Variants in JAK1 observed in about 807,000 individuals in gnomAD.
JAK1 encodes the protein Janus kinase 1.
Under a neutral mutation model 136.6 loss-of-function variants are expected in JAK1, and 16 were observed. The ratio of observed to expected loss-of-function variants is 0.12; its 90% CI spans 0.08 to 0.18. JAK1 has a LOEUF of 0.18. JAK1 is among the 10% of genes least tolerant of loss of function. JAK1 has a pLI of 1.00. For missense variants in JAK1, 859 were observed against 1,450.1 expected (o/e 0.59, Z 6.62); for synonymous variants, 492 against 519.5 (o/e 0.95, Z 0.72).
chr1:64,929,314 C>T (rs1645648437), intron 1 of JAK1, among the ~76,000 whole-genome samples: 1 of 152,246 alleles, frequency 6.6e-6, no homozygotes, highest in Non-Finnish European at 1.5e-5. Flanking sequence ...CAGTGTGATT[C>T]TCCTTGGAGA....
chr1:64,837,091 A>T (rs759066826), intron 22 of JAK1, among the ~76,000 whole-genome samples: 2 of 152,152 alleles, frequency 1.3e-5, no homozygotes, highest in African/African-American at 2.4e-5. Flanking sequence ...TGAATCTTTC[A>T]GGTTTCTTCT....
At chr1:64,955,591 A>G (rs1646171954) in intron 1 of JAK1, among the ~76,000 whole-genome samples, 1 of 152,270 alleles carries the variant, frequency 6.6e-6, no homozygotes. Context: ...CTTTACTATC[A>G]GACTAAGGTG....
At chr1:64,839,832 C>T in intron 19 of JAK1, 37 bp from the exon 20 acceptor site, 1 of 1,540,072 alleles carries the variant, frequency 6.5e-7, no homozygotes, top group Non-Finnish European at 8.8e-7. Flanking sequence ...ATCAGGGAAG[C>T]CCCATCGTAG....
At chr1:64,922,341 C>G (rs1331712262) in intron 1 of JAK1, among the ~76,000 whole-genome samples, 2 of 152,172 alleles carry the variant, frequency 1.3e-5, no homozygotes, top group Non-Finnish European at 2.9e-5. Flanking sequence ...CATTCTGTAT[C>G]TTTACCTTTA....
At chr1:64,905,698 A>T (rs1440357446) in intron 1 of JAK1, among the ~76,000 whole-genome samples, 1 of 152,216 alleles carries the variant, frequency 6.6e-6, no homozygotes, top group Non-Finnish European at 1.5e-5. Flanking sequence ...AGAAAAATCA[A>T]GTGAAAAAGT....
intron 1 of JAK1, among the ~76,000 whole-genome samples, chr1:65,053,503 G>GT (rs1491253684): frequency 6.6e-6 from 1 of 152,192 alleles, no homozygotes; most frequent in Non-Finnish European, 1.5e-5. Context: ...GTGTAAAAAC[G>GT]TAAGAGGTTT....
intron 8 of JAK1, among the ~76,000 whole-genome samples, chr1:64,861,560 A>C (rs1261975910): frequency 1.3e-5 from 2 of 151,906 alleles, no homozygotes; most frequent in African/African-American, 4.8e-5. Context: ...TTTGACTCAC[A>C]AAAAAACATT....
intron 12 of JAK1, 139 bp from the exon 13 acceptor site, chr1:64,847,814 T>A: frequency 2.3e-6 from 2 of 878,588 alleles, no homozygotes; most frequent in Non-Finnish European, 3.5e-6. Context: ...CAGCTCGTGG[T>A]CCCCAGGCCT....
intron 17 of JAK1, 140 bp from the exon 18 acceptor site, chr1:64,841,741 T>C: frequency 1.2e-6 from 1 of 808,136 alleles, no homozygotes; most frequent in Non-Finnish European, 2.0e-6. Flanking sequence ...TGTTTGTTAC[T>C]GCTGCCTTAT....
Position 64,844,258 on chromosome 1 carries a change from T to C in JAK1, c.2252-43A>G. The C allele has an allele frequency of 6.2e-7, 1 of 1,610,552 alleles. No homozygotes were observed. Among genetic ancestry groups the C allele is most frequent in the African/African-American group, 1.3e-5 (1 of 74,980 alleles). On this transcript the variant is annotated intron_variant, in intron 16 of 24. Coordinates refer to ENST00000342505, the MANE Select transcript of JAK1 (RefSeq NM_002227.4). The surrounding 1 kb of genome is among the most constrained non-coding windows in gnomAD (Gnocchi z 5.7). ...CACTGATGGAGCAGTTTCTGGGATC[T>C]CCTAGGGATTCAATTACTGTCACTG...
At chr1:64,988,903 T>A (rs906125375) in intron 2 of JAK1, among the ~76,000 whole-genome samples, 5 of 147,974 alleles carry the variant, frequency 3.4e-5, no homozygotes, top group African/African-American at 1.2e-4. Flanking sequence ...AAATAAAATT[T>A]AAAAATATAT....
intron 2 of JAK1, chr1:64,985,165 C>T: frequency 7.1e-7 from 1 of 1,400,648 alleles, no homozygotes. Flanking sequence ...ACCACACCCA[C>T]ACCAATGGTG....
intron 1 of JAK1, among the ~76,000 whole-genome samples, chr1:64,946,989 T>C (rs887907257): frequency 1.3e-5 from 2 of 152,208 alleles, no homozygotes; most frequent in Non-Finnish European, 2.9e-5. Context: ...ATTCCACTTA[T>C]AAGAAGTAGC....
chr1:64,990,983 G>A (rs1308865096), intron 2 of JAK1: 3 of 147,554 alleles, frequency 2.0e-5, no homozygotes, highest in Admixed American at 6.7e-5. Context: ...CAAAAACCAC[G>A]TGTGAGGAAG....
intron 2 of JAK1, chr1:65,003,753 T>C (rs1296633273): frequency 6.6e-6 from 1 of 151,980 alleles, no homozygotes; most frequent in Admixed American, 6.6e-5. Context: ...AAAAATGCCT[T>C]CTGTAGTAAT....
At chr1:64,941,036 T>C (rs147111438) in intron 1 of JAK1, among the ~76,000 whole-genome samples, 2,709 of 152,186 alleles carry the variant, frequency 0.018, 75 homozygotes, top group African/African-American at 0.061. Context: ...TGGTGGCGCA[T>C]ACCTGTAATC....
chr1:64,838,973 G>A (rs1019400330), intron 20 of JAK1, among the ~76,000 whole-genome samples: 10 of 148,858 alleles, frequency 6.7e-5, no homozygotes, highest in South Asian at 2.2e-4. Flanking sequence ...GTGAAACCCC[G>A]TCTCTACTAA....
At chr1:64,950,961 G>A (rs1248640527) in intron 1 of JAK1, among the ~76,000 whole-genome samples, 1 of 152,146 alleles carries the variant, frequency 6.6e-6, no homozygotes, top group Non-Finnish European at 1.5e-5. Flanking sequence ...ATTCTCAGGT[G>A]ACTTCAATTT....
chr1:64,977,031 A>C lies in JAK1; in HGVS notation c.-78+67449T>G, dbSNP rs192107235. Among the ~76,000 whole-genome samples, 5 of 152,338 alleles carry C rather than the reference A, an allele frequency of 3.3e-5. No homozygotes were observed. In the East Asian group the frequency reaches 9.6e-4, roughly 29 times the overall value. On this transcript the variant is annotated intron_variant, in intron 2 of 25. Coordinates refer to the JAK1 transcript ENST00000671954. ...ATTTCTCCCTTTGATCTGATTGCTA[A>C]GAAGTTCAGAATCAAATTTTAATCA...
Sources: gnomAD v4.1 joint callset for allele counts (sites outside exome capture counted in the v4.1 genomes callset) on GRCh38, gnomAD v4.1.1 for gene constraint, Gnocchi (gnomAD v3.1) non-coding constraint, MANE v1.5 for transcripts, NCBI Gene and HGNC (gene_info 2026-07-23, HGNC 2026-07-21) for gene names.